The following APBA2 variants were observed in gnomAD, a reference collection of about 807,000 sequenced individuals.
The protein encoded by APBA2 is amyloid-beta A4 precursor protein-binding family A member 2.
A neutral mutation model predicts 75.0 loss-of-function variants in APBA2; 30 were observed. The ratio of observed to expected loss-of-function variants is 0.40; its 90% CI spans 0.30 to 0.54. APBA2 has a LOEUF of 0.54. APBA2 is among the 20% of genes least tolerant of loss of function. The probability of loss-of-function intolerance (pLI) is 0.49; values close to 1 mark genes in which losing one functional copy is unlikely to be tolerated. For synonymous variants in APBA2, 444 were observed against 409.6 expected, an observed-to-expected ratio of 1.08 and a Z score of -1.01; for missense variants, 801 against 1,016.1, an observed-to-expected ratio of 0.79 and a Z score of 2.88.
chr15:28,900,249 C>G (rs1485592376), intron 1 of APBA2, among the ~76,000 whole-genome samples: 2 of 152,202 alleles, frequency 1.3e-5, no homozygotes, highest in Non-Finnish European at 2.9e-5. Flanking sequence ...GGCAGTGTGG[C>G]TGTGTGGGAA....
At chr15:29,027,294 C>T (rs1378767204) in intron 3 of APBA2, among the ~76,000 whole-genome samples, 11 of 151,978 alleles carry the variant, frequency 7.2e-5, no homozygotes, top group Non-Finnish European at 2.9e-5. Flanking sequence ...TATTAGGTTA[C>T]CTTGTTATTT....
At chr15:29,045,103 C>CTCTCTCTCTTTT (rs57446098) in intron 3 of APBA2, among the ~76,000 whole-genome samples, 2 of 140,288 alleles carry the variant, frequency 1.4e-5, no homozygotes, top group Non-Finnish European at 3.1e-5. Context: ...CTCTCTCTCT[C>CTCTCTCTCTTTT]GTCTCGCACT....
intron 6 of APBA2, 101 bp downstream of exon 6, chr15:29,076,192 A>G (rs1271729489): frequency 7.9e-7 from 1 of 1,269,814 alleles, no homozygotes; most frequent in African/African-American, 1.5e-5. Context: ...CTTGTTTACA[A>G]AGCGTGCCTA....
chr15:29,019,424 G>A (rs1443028110), intron 3 of APBA2, among the ~76,000 whole-genome samples: 1 of 152,218 alleles, frequency 6.6e-6, no homozygotes, highest in Non-Finnish European at 1.5e-5. Flanking sequence ...AGAAAATTCA[G>A]ACATCAGAGA....
chr15:29,001,240 G>T (rs974490742), intron 3 of APBA2, among the ~76,000 whole-genome samples: 3 of 151,792 alleles, frequency 2.0e-5, no homozygotes, highest in Non-Finnish European at 4.4e-5. Context: ...TTGAGACAGG[G>T]TCTCACTCTG....
At chr15:29,013,277 T>C (rs1027366456) in intron 3 of APBA2, among the ~76,000 whole-genome samples, 1 of 138,212 alleles carries the variant, frequency 7.2e-6, no homozygotes, top group Non-Finnish European at 1.5e-5. Context: ...GTCATTCTTT[T>C]TTTTTTTTTT....
At chr15:28,995,717 A>G (rs1030980810) in intron 2 of APBA2, 36 bp from the exon 3 acceptor site, 1 of 152,100 alleles carries the variant, frequency 6.6e-6, no homozygotes, top group Admixed American at 6.5e-5. Flanking sequence ...GCTGAAGTGA[A>G]AGTAATTTTC....
intron 4 of APBA2, among the ~76,000 whole-genome samples, chr15:29,060,868 A>T (rs983210530): frequency 6.6e-6 from 1 of 152,008 alleles, no homozygotes; most frequent in Non-Finnish European, 1.5e-5. Flanking sequence ...TGGAATTAGT[A>T]TTACTACACC....
chr15:28,951,168 A>T (rs996613759), intron 2 of APBA2, among the ~76,000 whole-genome samples: 2 of 152,212 alleles, frequency 1.3e-5, no homozygotes, highest in Non-Finnish European at 2.9e-5. Flanking sequence ...TAGCATTTAC[A>T]TTGTACTAGG....
chr15:28,894,948 G>A (rs913739338), intron 1 of APBA2, among the ~76,000 whole-genome samples: 6 of 152,120 alleles, frequency 3.9e-5, no homozygotes, highest in South Asian at 2.1e-4. Flanking sequence ...CAGCTCCTGC[G>A]TCATTGGGGG....
At chr15:28,901,288 C>T (rs1387350652) in intron 1 of APBA2, among the ~76,000 whole-genome samples, 1 of 152,140 alleles carries the variant, frequency 6.6e-6, no homozygotes, top group African/African-American at 2.4e-5. Context: ...GCTGCCCCTA[C>T]CCCCAGCCCC....
chr15:28,939,566 T>C (rs535528467), intron 2 of APBA2, among the ~76,000 whole-genome samples: 1 of 152,380 alleles, frequency 6.6e-6, no homozygotes, highest in East Asian at 1.9e-4. Flanking sequence ...CTTCCTTTTT[T>C]AAATGGTACT....
intron 3 of APBA2, among the ~76,000 whole-genome samples, chr15:29,035,973 C>T (rs547868615): frequency 6.6e-6 from 1 of 152,302 alleles, no homozygotes; most frequent in East Asian, 1.9e-4. Context: ...GCTTTGGCAA[C>T]CTTCCTGGTT....
At chr15:28,980,993 G>A (rs1435183859) in intron 2 of APBA2, among the ~76,000 whole-genome samples, 1 of 152,166 alleles carries the variant, frequency 6.6e-6, no homozygotes, top group African/African-American at 2.4e-5. Flanking sequence ...TTATGCAGAA[G>A]AATGAAACTG....
At chr15:28,986,688 A>T (rs1187559483) in intron 2 of APBA2, among the ~76,000 whole-genome samples, 1 of 152,058 alleles carries the variant, frequency 6.6e-6, no homozygotes, top group Non-Finnish European at 1.5e-5. Context: ...GCTGGTCTTG[A>T]ACTCCTGACC....
At chr15:28,901,733 G>A (rs2032865991) in intron 1 of APBA2, among the ~76,000 whole-genome samples, 1 of 152,154 alleles carries the variant, frequency 6.6e-6, no homozygotes, top group African/African-American at 2.4e-5. Flanking sequence ...ACTGTGGCCA[G>A]AGACTCTCCC....
chr15:28,947,234 G>T (rs2035598447), intron 2 of APBA2, among the ~76,000 whole-genome samples: 1 of 152,162 alleles, frequency 6.6e-6, no homozygotes, highest in Non-Finnish European at 1.5e-5. Flanking sequence ...AGGTGAAATG[G>T]AAGGCAGCTC....
At chr15:28,941,740 C>T (rs569809385) in intron 2 of APBA2, among the ~76,000 whole-genome samples, 60 of 152,146 alleles carry the variant, frequency 3.9e-4, no homozygotes, top group East Asian at 1.6e-3. Context: ...GTTTCATAGC[C>T]GTTTTGTTTG....
intron 13 of APBA2, among the ~76,000 whole-genome samples, chr15:29,110,924 G>T (rs4044244): frequency 0.67 from 101,317 of 151,938 alleles, 40,299 homozygotes; most frequent in Non-Finnish European, 0.88. Context: ...GCTGCCTTCT[G>T]GGGCAGGTGC....
Sources: gnomAD v4.1 joint callset for allele counts (sites outside exome capture counted in the v4.1 genomes callset) on GRCh38, gnomAD v4.1.1 for gene constraint, MANE v1.5 for transcripts, NCBI Gene and HGNC (gene_info 2026-07-23, HGNC 2026-07-21) for gene names.